Variants in CCDC77 observed in about 807,000 individuals in gnomAD.
The protein encoded by CCDC77 is coiled-coil domain containing 77.
CCDC77 carries 56 observed loss-of-function variants against 66.8 expected under a neutral mutation model. The observed-to-expected ratio is 0.84, with a 90% confidence interval of 0.68 to 1.05. The LOEUF (loss-of-function observed/expected upper bound fraction) is 1.05, where lower values mean the gene tolerates loss of function less well. Among genes scored for constraint, CCDC77 ranks in the 50% least tolerant of loss-of-function variants. The pLI is 0.00. For synonymous variants in CCDC77, 196 were observed against 195.2 expected (o/e 1.00, Z -0.03); for missense variants, 570 against 576.8 (o/e 0.99, Z 0.12).
chr12:404,382 TATTGG>T (rs1331273748), intron 1 of CCDC77, among the ~76,000 whole-genome samples: 1 of 152,192 alleles, frequency 6.6e-6, no homozygotes, highest in Non-Finnish European at 1.5e-5. Flanking sequence ...AAGGAGTAAC[TATTGG>T]ATGGAGGAGG....
chr12:414,735 C>G (rs1945188743), intron 4 of CCDC77, among the ~76,000 whole-genome samples: 2 of 152,110 alleles, frequency 1.3e-5, no homozygotes, highest in Non-Finnish European at 2.9e-5. Flanking sequence ...TTCTTCCAGT[C>G]CCCCTAAACC....
chr12:441,845 A>T lies in CCDC77; in HGVS notation c.1392A>T (p.Ala464=). Residue 464 remains alanine (A), a synonymous_variant, in exon 13 of 13, where the codon GCA becomes GCT. Transcript: ENST00000239830. ...LCEVRDSNRR[A]HKIQGELKNL... ...AGGTCCGTGACAGCAATAGACGGGC[A>T]CATAAGATACAAGGAGAACTGAAGA... 1 of 1,613,614 alleles carries T rather than the reference A, an allele frequency of 6.2e-7. No homozygotes were observed. The highest frequency in any genetic ancestry group is 8.5e-7 in the Non-Finnish European group (1 of 1,179,982).
chr12:407,929 G>A (rs946261720), intron 2 of CCDC77, among the ~76,000 whole-genome samples: 5 of 151,460 alleles, frequency 3.3e-5, no homozygotes, highest in South Asian at 2.1e-4. Flanking sequence ...CTGGGACTAC[G>A]GGTGCCTGCC....
intron 2 of CCDC77, among the ~76,000 whole-genome samples, chr12:407,083 A>G (rs1945008828): frequency 1.3e-5 from 2 of 152,236 alleles, no homozygotes; most frequent in South Asian, 4.1e-4. Context: ...AGGGGAGAGG[A>G]TTGAGTGAAG....
chr12:440,782 C>T (rs765888798), intron 11 of CCDC77, 40 bp downstream of exon 11: 1 of 1,613,330 alleles, frequency 6.2e-7, no homozygotes, highest in Non-Finnish European at 8.5e-7. Context: ...ATAGGAAGTG[C>T]AGATGGCTGG....
intron 9 of CCDC77, among the ~76,000 whole-genome samples, chr12:437,670 C>T (rs11062985): frequency 6.6e-6 from 1 of 151,516 alleles, no homozygotes; most frequent in Non-Finnish European, 1.5e-5. Context: ...CATAGCAAGA[C>T]CCCATCTCCA....
rs774073292 is a variant in CCDC77, at chr12:411,777, C to T, written c.69C>T (p.Ala23=). Reference sequence around the variant, plus strand: ...CAGTTGTCTCCAAACGTGGTGTTGCCGTCAGTGGTCCCACCAAGAGGAGGG... The same window carrying T: ...CAGTTGTCTCCAAACGTGGTGTTGCTGTCAGTGGTCCCACCAAGAGGAGGG... ...KRTVVSKRGV[A]VSGPTKRRGM... is the part of the protein sequence containing the mutation. The change falls in exon 4 of 13, where the codon GCC becomes GCT. Residue 23 remains alanine (A), a synonymous_variant. Transcript: ENST00000239830. The T allele has an allele frequency of 1.7e-5, 28 of 1,613,744 alleles. No individual in the cohort carries two copies. Among genetic ancestry groups the T allele is most frequent in the African/African-American group, 9.3e-5 (7 of 74,876 alleles).
At chr12:430,091 T>G (rs769673094) in intron 6 of CCDC77, among the ~76,000 whole-genome samples, 32 of 152,166 alleles carry the variant, frequency 2.1e-4, no homozygotes, top group Non-Finnish European at 3.7e-4. Context: ...CCTCCCAGGT[T>G]CAAGTGATTC....
Position 428,769 on chromosome 12 carries a change from G to A in CCDC77, c.414G>A (p.Arg138=), listed in dbSNP as rs1345777394. 2 of 1,598,864 alleles carry A rather than the reference G, an allele frequency of 1.3e-6. No homozygotes were observed. ...LYSENDRLRI[R]ELEDKKKIQN... is the part of the protein sequence containing the mutation. ...TGCTTGCTTTCCATGAGAATTGCAG[G>A]GAGCTAGAAGACAAGAAAAAGATTC... is the stretch of plus-strand genomic sequence containing the variant. The change falls in exon 6 of 13, where the codon AGG becomes AGA. Residue 138 remains arginine, a splice_region_variant and synonymous_variant. Transcript: ENST00000239830.
chr12:430,551 A>G (rs1945631014), intron 6 of CCDC77, 113 bp from the exon 7 acceptor site: 2 of 785,448 alleles, frequency 2.5e-6, no homozygotes, highest in Non-Finnish European at 4.6e-6. Flanking sequence ...TTATATGATC[A>G]TATCAGTTTT....
chr12:397,938 G>A (rs539512547), upstream of CCDC77, among the ~76,000 whole-genome samples: 3 of 152,200 alleles, frequency 2.0e-5, no homozygotes, highest in South Asian at 2.1e-4. Context: ...GAGCCACCGC[G>A]ACTGGCCTTA....
At chr12:408,648 C>T (rs191280922) in intron 2 of CCDC77, among the ~76,000 whole-genome samples, 75 of 152,144 alleles carry the variant, frequency 4.9e-4, no homozygotes, top group Admixed American at 1.8e-3. Context: ...ACTATAGGTA[C>T]GGGCCACTGC....
upstream of CCDC77, among the ~76,000 whole-genome samples, chr12:400,451 A>T (rs1277535204): frequency 6.6e-6 from 1 of 152,148 alleles, no homozygotes; most frequent in Non-Finnish European, 1.5e-5. Flanking sequence ...TGCCTTTTTC[A>T]CTGAGCTTAA....
intron 9 of CCDC77, chr12:436,744 TA>T (rs1244918193): frequency 3.1e-5 from 30 of 983,448 alleles, no homozygotes; most frequent in Non-Finnish European, 3.5e-5. Flanking sequence ...GTTATCTGCA[TA>T]TCTGAGCACA....
chr12:403,247 A>G (rs545995761), intron 1 of CCDC77, among the ~76,000 whole-genome samples: 32 of 152,366 alleles, frequency 2.1e-4, no homozygotes, highest in African/African-American at 7.7e-4. Flanking sequence ...AAACTTGAAG[A>G]CAGAACCTCT....
rs555166426 is a variant in CCDC77, at chr12:392,171, G to GA, written c.-113+2696dup. Among the ~76,000 whole-genome samples, 481 of 145,720 alleles carry GA rather than the reference G, an allele frequency of 3.3e-3. 2 individuals are homozygous for GA. Among genetic ancestry groups the GA allele is most frequent in the African/African-American group, 8.4e-3 (337 of 40,040 alleles). ...AACAATCCTTGACAGTAACTTTTCA[G>GA]AAAAAAAAAAATTAGAGTATTATTT... On this transcript the variant is annotated intron_variant, in intron 1 of 11. Coordinates refer to the CCDC77 transcript ENST00000422000.
intron 3 of CCDC77, 26 bp from the exon 4 acceptor site, chr12:411,721 A>G (rs1313816815): frequency 6.3e-7 from 1 of 1,579,792 alleles, no homozygotes. Context: ...GAGTGTGATG[A>G]ATATATCATT....
chr12:423,485 TTTTGTTTTG>T lies in CCDC77; in HGVS notation c.413+4853_413+4861del, dbSNP rs1565572231. ...TGTTTTTTGTGTTTTTTGTGTTTTT[TTTTGTTTTG>T]TTTTTTTTTTTTTTTTTTTGAGACA... On this transcript the variant is annotated intron_variant, in intron 5 of 12. Coordinates refer to ENST00000239830, the MANE Select transcript of CCDC77 (RefSeq NM_032358.4). Among the ~76,000 whole-genome samples the T allele has an allele frequency of 1.9e-3, 60 of 32,140 alleles. 6 individuals carry two copies. The highest frequency in any genetic ancestry group is 4.8e-3 in the Admixed American group (16 of 3,366). The allele number at this position is 32,140 out of a possible 152,430, so 21.1% of individuals were successfully genotyped here. A position where few individuals can be genotyped will look rare whatever the true frequency, so the allele number is the denominator to read the frequency against.
chr12:427,448 T>A (rs912172589), intron 5 of CCDC77, among the ~76,000 whole-genome samples: 1 of 151,026 alleles, frequency 6.6e-6, no homozygotes, highest in Admixed American at 6.6e-5. Flanking sequence ...TGAAATCCCT[T>A]TTTATGTTGT....
Sources: allele counts gnomAD v4.1 joint callset (sites outside exome capture counted in the v4.1 genomes callset), GRCh38; gene constraint gnomAD v4.1.1; transcripts MANE v1.5; gene names NCBI Gene and HGNC (gene_info 2026-07-23, HGNC 2026-07-21).